SPG11: variants seen among roughly 807,000 people sequenced by gnomAD.
SPG11 encodes SPG11 vesicle trafficking associated, spatacsin, also known as spatacsin.
In SPG11, 222 loss-of-function variants were observed where a neutral mutation model predicts 274.0. The ratio of observed to expected loss-of-function variants is 0.81; its 90% CI spans 0.73 to 0.91. SPG11 has a LOEUF of 0.91. Ranked by LOEUF, SPG11 falls within the 40% of genes least tolerant of loss-of-function variation. The probability of loss-of-function intolerance (pLI) is 0.00; values close to 1 mark genes in which losing one functional copy is unlikely to be tolerated. For synonymous variants in SPG11, 1,144 were observed against 1,039.7 expected (o/e 1.10, Z -1.93); for missense variants, 3,114 against 2,872.7 (o/e 1.08, Z -1.92).
intron 30 of SPG11, among the ~76,000 whole-genome samples, chr15:44,583,395 T>C (rs1390710297): frequency 2.0e-5 from 3 of 151,874 alleles, no homozygotes; most frequent in African/African-American, 7.3e-5. Context: ...GAGGCGGAGG[T>C]TGCAGTGAGC....
At chr15:44,589,004 G>A (rs569684230) in intron 28 of SPG11, among the ~76,000 whole-genome samples, 5 of 152,280 alleles carry the variant, frequency 3.3e-5, no homozygotes, top group South Asian at 4.1e-4. Context: ...CCAGCCAGGA[G>A]GAAATGTGGC....
intron 1 of SPG11, 40 bp downstream of exon 1, chr15:44,663,351 C>T (rs2085174869): frequency 1.9e-6 from 3 of 1,591,802 alleles, no homozygotes; most frequent in South Asian, 2.3e-5. Flanking sequence ...AGCCTAGGCT[C>T]TGGACTCCCC....
chr15:44,626,231 A>G (rs1221907266), intron 11 of SPG11, 100 bp downstream of exon 11: 1 of 1,034,388 alleles, frequency 9.7e-7, no homozygotes. Context: ...TACTACATAA[A>G]TTTCTTAGTT....
intron 7 of SPG11, among the ~76,000 whole-genome samples, chr15:44,639,748 A>C (rs2084386176): frequency 6.6e-6 from 1 of 152,096 alleles, no homozygotes. Context: ...GAAAAGATGA[A>C]AGAAAACTAT....
chr15:44,649,018 G>C lies in SPG11; in HGVS notation c.1457-7C>G. 1.2e-6 allele frequency: 2 copies of C among 1,610,262 alleles called. No individual in the cohort carries two copies. Among genetic ancestry groups the C allele is most frequent in the African/African-American group, 1.3e-5 (1 of 74,920 alleles). ...ATCAGAGAGAGTCCATTCTCTATAG[G>C]AAAAATAAAAGTTAGCTTTAACAAA... On this transcript the variant is annotated splice_region_variant and splice_polypyrimidine_tract_variant and intron_variant, in intron 6 of 39. Transcript: ENST00000261866.
intron 16 of SPG11, among the ~76,000 whole-genome samples, chr15:44,615,022 C>G (rs2083558108): frequency 6.6e-6 from 1 of 152,200 alleles, no homozygotes; most frequent in Non-Finnish European, 1.5e-5. Flanking sequence ...GCTTAGCATT[C>G]TCTTGGTAAT....
intron 7 of SPG11, among the ~76,000 whole-genome samples, chr15:44,636,958 CAAAAAAA>C (rs1328250311): frequency 1.1e-5 from 1 of 89,102 alleles, no homozygotes; most frequent in African/African-American, 5.1e-5. Context: ...AAAAAAAAAA[CAAAAAAA>C]AAACACAAAT....
At chr15:44,659,361 A>C in intron 2 of SPG11, 58 bp from the exon 3 acceptor site, 1 of 1,407,614 alleles carries the variant, frequency 7.1e-7, no homozygotes, top group Non-Finnish European at 1.0e-6. Context: ...CAACTGGTAC[A>C]TTTGATTTGA....
rs312262753 is a variant in SPG11 at position 44,610,839 on chromosome 15, C to A, written c.3291+1G>T. 4 of 1,613,764 alleles carry A rather than the reference C, an allele frequency of 2.5e-6. No homozygotes were observed. In the East Asian group the frequency reaches 8.9e-5, roughly 36 times the overall value. ...ATTTTGTCATAAAGTGCTATCCATA[C>A]CTGACTGACACCCCCAGGAGAATAC... On this transcript the variant is annotated splice_donor_variant, in intron 18 of 39. Transcript: ENST00000261866. LOFTEE classifies it high-confidence loss of function.
intron 30 of SPG11, among the ~76,000 whole-genome samples, chr15:44,575,521 G>A (rs1595831202): frequency 6.8e-6 from 1 of 146,266 alleles, no homozygotes; most frequent in Admixed American, 6.8e-5. Flanking sequence ...TTGAGATGGA[G>A]TCTTGCTCTG....
intron 17 of SPG11, among the ~76,000 whole-genome samples, chr15:44,612,196 T>C (rs534521871): frequency 1.2e-4 from 19 of 152,334 alleles, no homozygotes; most frequent in African/African-American, 4.6e-4. Context: ...TAGATGTTTC[T>C]TGTTGTTCTA....
chr15:44,613,519 C>T lies in SPG11; in HGVS notation c.3056G>A (p.Cys1019Tyr), dbSNP rs765628532. 6 of 1,612,590 alleles carry T rather than the reference C, an allele frequency of 3.7e-6. No individual in the cohort carries two copies. The East Asian group carries it at 1.3e-4, about 36-fold the overall frequency. ...LDCYKLSPEN[C>Y]PFLEKKELHE... ...TAACTCTTTTTTTTCCAAAAAGGGA[C>T]AATTTTCAGGACTAAGTCTGTATAT... The change falls in exon 17 of 40, where the codon TGT becomes TAT. Residue 1019 changes from cysteine (C) to tyrosine (Y), a missense_variant. Transcript: ENST00000261866.
intron 3 of SPG11, among the ~76,000 whole-genome samples, chr15:44,658,575 C>T (rs8025639): frequency 6.6e-6 from 1 of 152,132 alleles, no homozygotes; most frequent in East Asian, 1.9e-4. Context: ...TCTCCTGCCT[C>T]AGCCTCCCGA....
At chr15:44,593,684 TA>T (rs2082958430) in intron 26 of SPG11, among the ~76,000 whole-genome samples, 1 of 152,064 alleles carries the variant, frequency 6.6e-6, no homozygotes. Context: ...AGACCTTGGA[TA>T]AGTTACTTAA....
At chr15:44,649,845 G>A (rs2084713121) in intron 6 of SPG11, among the ~76,000 whole-genome samples, 1 of 149,996 alleles carries the variant, frequency 6.7e-6, no homozygotes, top group Non-Finnish European at 1.5e-5. Context: ...CAGTGAGCCA[G>A]ATCACACCAT....
chr15:44,573,038 G>A (rs2082456646), intron 32 of SPG11, among the ~76,000 whole-genome samples: 1 of 144,962 alleles, frequency 6.9e-6, no homozygotes, highest in Admixed American at 7.1e-5. Context: ...CCAGGCTGGA[G>A]TGCAGTGGGG....
chr15:44,617,685 G>GC, intron 15 of SPG11, among the ~76,000 whole-genome samples: 1 of 151,540 alleles, frequency 6.6e-6, no homozygotes, highest in East Asian at 1.9e-4. Flanking sequence ...TCTTTTTGTT[G>GC]TTTTTTTTGA....
rs553676689 is a variant in SPG11, at chr15:44,564,973, A to G, written c.7000-275T>C. On this transcript the variant is annotated intron_variant, in intron 38 of 39. Transcript: ENST00000261866. ...GGCTGGACCAGAAATTCCTGGGCTC[A>G]AGATCCTCCCGCCTCAGCCTCCTGC... Among the ~76,000 whole-genome samples the G allele has an allele frequency of 1.2e-3, 182 of 152,126 alleles. 1 individual carries two copies. Among genetic ancestry groups the G allele is most frequent in the African/African-American group, 4.3e-3 (177 of 41,502 alleles).
intron 12 of SPG11, 84 bp from the exon 13 acceptor site, chr15:44,622,431 T>C (rs748262949): frequency 1.4e-5 from 16 of 1,121,432 alleles, no homozygotes; most frequent in Middle Eastern, 3.0e-4. Flanking sequence ...TCAAATAAGG[T>C]AGTGCTGGGA....
Sources: allele counts gnomAD v4.1 joint callset (sites outside exome capture counted in the v4.1 genomes callset), GRCh38; gene constraint gnomAD v4.1.1; transcripts MANE v1.5; gene names NCBI Gene and HGNC (gene_info 2026-07-23, HGNC 2026-07-21).